PIK3AP1: variants seen among roughly 807,000 people sequenced by gnomAD.
The protein encoded by PIK3AP1 is phosphoinositide-3-kinase adaptor protein 1.
PIK3AP1 carries 21 observed loss-of-function variants against 88.1 expected under a neutral mutation model. The observed-to-expected ratio is 0.24, with a 90% CI of 0.17 to 0.34. The LOEUF (loss-of-function observed/expected upper bound fraction) is 0.34. Among genes scored for constraint, PIK3AP1 ranks in the 10% least tolerant of loss-of-function variants. The probability of loss-of-function intolerance (pLI) is 1.00; values close to 1 mark genes in which losing one functional copy is unlikely to be tolerated. For synonymous variants in PIK3AP1, 398 were observed against 400.0 expected, an observed-to-expected ratio of 1.00 and a Z score of 0.06; for missense variants, 828 against 1,035.7, an observed-to-expected ratio of 0.80 and a Z score of 2.75.
At chr10:96,685,721 T>C (rs1021524381) in intron 2 of PIK3AP1, among the ~76,000 whole-genome samples, 6 of 152,200 alleles carry the variant, frequency 3.9e-5, no homozygotes, top group African/African-American at 1.4e-4. Context: ...AGTTCCTTCA[T>C]ATCCAGGGTC....
At chr10:96,697,403 A>G (rs1243779656) in intron 2 of PIK3AP1, among the ~76,000 whole-genome samples, 2 of 152,154 alleles carry the variant, frequency 1.3e-5, no homozygotes, top group African/African-American at 4.8e-5. Context: ...TCTAGAGTCT[A>G]TCATTTTTCT....
intron 2 of PIK3AP1, among the ~76,000 whole-genome samples, chr10:96,685,051 C>T (rs1176055087): frequency 6.6e-6 from 1 of 152,078 alleles, no homozygotes; most frequent in East Asian, 1.9e-4. Context: ...GTGGCTTTTG[C>T]GGAGGAAGGA....
Position 96,709,610 on chromosome 10 carries a change from C to T in PIK3AP1, c.387G>A (p.Glu129=), listed in dbSNP as rs149682608. The T allele has an allele frequency of 1.4e-4, 220 of 1,613,966 alleles. 3 individuals carry two copies. The African/African-American group carries it at 2.5e-3, about 19-fold the overall frequency. The change falls in exon 2 of 17, where the codon GAG becomes GAA. Residue 129 remains glutamate, a synonymous_variant. Transcript: ENST00000339364. ...AHWQELTCDD[E]PETYVAAVKK... is the part of the protein sequence containing the mutation. ...TCACAGCTGCCACGTAGGTCTCTGG[C>T]TCATCGTCACAGGTGAGCTCCTGCC...
chr10:96,622,378 C>A (rs1343489164), intron 11 of PIK3AP1, among the ~76,000 whole-genome samples: 1 of 152,176 alleles, frequency 6.6e-6, no homozygotes, highest in South Asian at 2.1e-4. Flanking sequence ...GGCAACTTGA[C>A]GTTTCACTCA....
At chr10:96,610,989 A>G (rs1849098835) in intron 13 of PIK3AP1, among the ~76,000 whole-genome samples, 1 of 151,840 alleles carries the variant, frequency 6.6e-6, no homozygotes, top group South Asian at 2.1e-4. Context: ...TTCCTCCTCC[A>G]CCTCTACCCT....
chr10:96,668,090 G>A (rs549822945), intron 2 of PIK3AP1, among the ~76,000 whole-genome samples: 2 of 152,074 alleles, frequency 1.3e-5, no homozygotes, highest in African/African-American at 2.4e-5. Context: ...ATAGCACAAC[G>A]AAAAAATTTT....
chr10:96,628,523 T>A (rs1406590753), intron 8 of PIK3AP1, 30 bp from the exon 9 acceptor site: 4 of 1,550,658 alleles, frequency 2.6e-6, no homozygotes, highest in Non-Finnish European at 3.6e-6. Flanking sequence ...AAGAGTTATA[T>A]ATTGGTCTCC....
chr10:96,718,920 G>A (rs1844537366), intron 1 of PIK3AP1, among the ~76,000 whole-genome samples: 2 of 152,018 alleles, frequency 1.3e-5, no homozygotes, highest in Admixed American at 1.3e-4. Flanking sequence ...TACACTCATT[G>A]CTTGGAGCAC....
chr10:96,600,273 T>A (rs1848865547), intron 16 of PIK3AP1, among the ~76,000 whole-genome samples: 1 of 152,238 alleles, frequency 6.6e-6, no homozygotes, highest in African/African-American at 2.4e-5. Context: ...GTCTTAGGAT[T>A]GTGGAGAGAA....
rs561778526 is a variant in PIK3AP1 at position 96,595,044 on chromosome 10, T to C, written c.*533A>G. ...TAAGAGGAGTTTGTACTAATCCCTC[T>C]AGTCTTTTTCAGTTGGTTGTGTGTG... On this transcript the variant is annotated 3_prime_UTR_variant, in exon 17 of 17. Coordinates refer to ENST00000339364, the MANE Select transcript of PIK3AP1 (RefSeq NM_152309.3). 6.4e-6 allele frequency: 1 copy of C among 155,448 alleles called. No individual in the cohort carries two copies. The highest frequency in any genetic ancestry group is 2.4e-5 in the African/African-American group (1 of 41,598). 9.6% of individuals were successfully genotyped at this position (155,448 alleles called of 1,614,324 possible).
At chr10:96,683,144 A>G (rs1283198903) in intron 2 of PIK3AP1, among the ~76,000 whole-genome samples, 1 of 152,222 alleles carries the variant, frequency 6.6e-6, no homozygotes, top group Non-Finnish European at 1.5e-5. Context: ...GTTAATTTCT[A>G]AAGGATGTCC....
chr10:96,652,936 T>C, intron 3 of PIK3AP1, 94 bp from the exon 4 acceptor site: 1 of 1,396,566 alleles, frequency 7.2e-7, no homozygotes. Context: ...GCCCTAGCTC[T>C]ACCTAGTGAG....
At chr10:96,641,824 C>A (rs1009664753) in intron 8 of PIK3AP1, among the ~76,000 whole-genome samples, 2 of 152,202 alleles carry the variant, frequency 1.3e-5, no homozygotes, top group Non-Finnish European at 2.9e-5. Context: ...GGGATACAGG[C>A]AGTCCATGGA....
At chr10:96,699,935 A>G (rs568509526) in intron 2 of PIK3AP1, among the ~76,000 whole-genome samples, 3 of 152,346 alleles carry the variant, frequency 2.0e-5, no homozygotes, top group African/African-American at 7.2e-5. Context: ...CCTGAATTCT[A>G]CTATTCTCTT....
At chr10:96,670,595 G>A (rs1344771037) in intron 2 of PIK3AP1, among the ~76,000 whole-genome samples, 1 of 152,168 alleles carries the variant, frequency 6.6e-6, no homozygotes, top group Non-Finnish European at 1.5e-5. Flanking sequence ...TTCTATATGG[G>A]GGAAGGGCTG....
intron 8 of PIK3AP1, among the ~76,000 whole-genome samples, chr10:96,639,997 A>G (rs1243037029): frequency 6.6e-6 from 1 of 152,212 alleles, no homozygotes; most frequent in Non-Finnish European, 1.5e-5. Flanking sequence ...CAGAGAGCTC[A>G]GGTAAAGAAA....
intron 2 of PIK3AP1, among the ~76,000 whole-genome samples, chr10:96,678,017 G>T (rs1251631623): frequency 6.6e-6 from 1 of 152,120 alleles, no homozygotes; most frequent in East Asian, 1.9e-4. Flanking sequence ...AAACTGGAGT[G>T]TAGTGGTGTG....
At chr10:96,698,487 C>A (rs1844250540) in intron 2 of PIK3AP1, among the ~76,000 whole-genome samples, 1 of 151,638 alleles carries the variant, frequency 6.6e-6, no homozygotes, top group Non-Finnish European at 1.5e-5. Context: ...CCCATCTCTA[C>A]TAAAACTAAA....
intron 2 of PIK3AP1, among the ~76,000 whole-genome samples, chr10:96,674,565 A>G (rs1367145415): frequency 6.6e-6 from 1 of 151,282 alleles, no homozygotes; most frequent in Non-Finnish European, 1.5e-5. Flanking sequence ...ATTTCCTGAC[A>G]TTCATTCATC....
Sources: gnomAD v4.1 joint callset for allele counts (sites outside exome capture counted in the v4.1 genomes callset) on GRCh38, gnomAD v4.1.1 for gene constraint, MANE v1.5 for transcripts, NCBI Gene and HGNC (gene_info 2026-07-23, HGNC 2026-07-21) for gene names.